Variants in RPS6KC1 observed in about 807,000 individuals in gnomAD.
RPS6KC1 encodes ribosomal protein S6 kinase C1.
A neutral mutation model predicts 103.8 loss-of-function variants in RPS6KC1; 54 were observed. The observed-to-expected ratio is 0.52, with a 90% CI of 0.42 to 0.65. The LOEUF is 0.65. Ranked by LOEUF, RPS6KC1 falls within the 30% of genes least tolerant of loss-of-function variation. The pLI, the probability that RPS6KC1 is intolerant of heterozygous loss-of-function variation, is 0.00. For missense variants in RPS6KC1, 1,151 were observed against 1,253.8 expected (o/e 0.92, Z 1.24); for synonymous variants, 439 against 438.7 (o/e 1.00, Z -0.01).
At chr1:213,288,954 G>GT in the RPS6KC1 span, among the ~76,000 whole-genome samples, 1 of 152,164 alleles carries the variant, frequency 6.6e-6, no homozygotes, top group East Asian at 1.9e-4. Flanking sequence ...TTGTTTGTCT[G>GT]TTTTTTAAAT....
the RPS6KC1 span, among the ~76,000 whole-genome samples, chr1:213,311,177 T>C: frequency 1.3e-5 from 2 of 151,724 alleles, no homozygotes; most frequent in Admixed American, 6.6e-5. Flanking sequence ...CTCGCTCTGT[T>C]GCCCAGGCTG....
At chr1:213,175,454 G>C (rs1216646774) in intron 7 of RPS6KC1, among the ~76,000 whole-genome samples, 1 of 152,170 alleles carries the variant, frequency 6.6e-6, no homozygotes, top group Non-Finnish European at 1.5e-5. Flanking sequence ...TCTGCTCTAA[G>C]TAAGTAATAA....
chr1:213,808,895 C>T, the RPS6KC1 span, among the ~76,000 whole-genome samples: 8 of 152,312 alleles, frequency 5.3e-5, no homozygotes, highest in Non-Finnish European at 8.8e-5. Context: ...AGCTATAGAC[C>T]GGAGCTGTTC....
the RPS6KC1 span, among the ~76,000 whole-genome samples, chr1:213,509,001 T>C: frequency 6.6e-6 from 1 of 152,334 alleles, no homozygotes; most frequent in Non-Finnish European, 1.5e-5. Flanking sequence ...GGAGGTGATG[T>C]CATGATGTCC....
intron 6 of RPS6KC1, among the ~76,000 whole-genome samples, chr1:213,152,933 A>G (rs2089388529): frequency 6.6e-6 from 1 of 152,188 alleles, no homozygotes; most frequent in Non-Finnish European, 1.5e-5. Context: ...ACGCTACTGC[A>G]CTCCAGCCTG....
the RPS6KC1 span, chr1:213,837,439 A>G: frequency 6.6e-6 from 1 of 152,172 alleles, no homozygotes; most frequent in East Asian, 1.9e-4. Flanking sequence ...ATACAAAGGG[A>G]AACATGATTA....
At chr1:213,435,990 C>T in the RPS6KC1 span, among the ~76,000 whole-genome samples, 1 of 152,180 alleles carries the variant, frequency 6.6e-6, no homozygotes, top group Non-Finnish European at 1.5e-5. Context: ...CCTCTCAAGG[C>T]ATTATGCTGA....
chr1:213,618,179 A>G, the RPS6KC1 span, among the ~76,000 whole-genome samples: 1 of 152,256 alleles, frequency 6.6e-6, no homozygotes, highest in African/African-American at 2.4e-5. Flanking sequence ...ATGGATTATA[A>G]AAAGCAATAA....
chr1:213,240,573 C>T (rs867099320), intron 10 of RPS6KC1, 129 bp from the exon 11 acceptor site: 24 of 753,336 alleles, frequency 3.2e-5, no homozygotes, highest in Middle Eastern at 3.6e-4. Flanking sequence ...TTATGGCACA[C>T]GATATTAATG....
At chr1:213,704,211 C>T in the RPS6KC1 span, among the ~76,000 whole-genome samples, 1 of 150,936 alleles carries the variant, frequency 6.6e-6, no homozygotes, top group Non-Finnish European at 1.5e-5. Flanking sequence ...CACGGTGAAA[C>T]CCCGTCTCTA....
intron 14 of RPS6KC1, among the ~76,000 whole-genome samples, chr1:213,263,307 T>G (rs965887583): frequency 6.6e-6 from 1 of 152,228 alleles, no homozygotes; most frequent in Non-Finnish European, 1.5e-5. Flanking sequence ...TGTCAGTGAT[T>G]ATATTTCTGG....
chr1:213,482,089 C>T, the RPS6KC1 span, among the ~76,000 whole-genome samples: 16 of 152,166 alleles, frequency 1.1e-4, no homozygotes, highest in South Asian at 2.1e-4. Context: ...TCCCCAGAAG[C>T]GAAGTGAATG....
chr1:213,723,946 G>T, the RPS6KC1 span, among the ~76,000 whole-genome samples: 8 of 152,090 alleles, frequency 5.3e-5, no homozygotes, highest in African/African-American at 1.7e-4. Flanking sequence ...TGGGGGGTTG[G>T]GGGGGACAGT....
At chr1:213,055,324 C>CT (rs970139543) in intron 1 of RPS6KC1, among the ~76,000 whole-genome samples, 52 of 145,210 alleles carry the variant, frequency 3.6e-4, no homozygotes, top group African/African-American at 4.8e-4. Context: ...ATAGTATGCA[C>CT]TTTTTTTTTT....
At chr1:213,355,790 G>A in the RPS6KC1 span, among the ~76,000 whole-genome samples, 2 of 152,260 alleles carry the variant, frequency 1.3e-5, no homozygotes, top group African/African-American at 4.8e-5. Context: ...TATTGTTATG[G>A]AGCACTTGCT....
chr1:213,234,507 GAAAC>G (rs2094180413), intron 10 of RPS6KC1, among the ~76,000 whole-genome samples: 1 of 152,120 alleles, frequency 6.6e-6, no homozygotes, highest in African/African-American at 2.4e-5. Context: ...AATGGCAAAA[GAAAC>G]AATCATTTGA....
the RPS6KC1 span, among the ~76,000 whole-genome samples, chr1:213,801,381 GT>G: frequency 1.3e-5 from 2 of 152,004 alleles, no homozygotes; most frequent in African/African-American, 4.8e-5. Context: ...TTTCCATGTA[GT>G]GTTTTCAATG....
At chr1:213,205,567 T>TATATATATATATATATATATATATATATA (rs57191154) in intron 8 of RPS6KC1, among the ~76,000 whole-genome samples, 14 of 138,678 alleles carry the variant, frequency 1.0e-4, no homozygotes, top group South Asian at 2.3e-4. Flanking sequence ...TATATATATA[T>TATATATATATATATATATATATATATATA]TTCAAAAGAA....
chr1:213,254,139 CTTAT>C (rs768681716), intron 12 of RPS6KC1, among the ~76,000 whole-genome samples: 28 of 148,842 alleles, frequency 1.9e-4, no homozygotes, highest in Admixed American at 3.5e-4. Context: ...TTTATTTAAT[CTTAT>C]TTATTCACTT....
Sources: gnomAD v4.1 joint callset for allele counts (sites outside exome capture counted in the v4.1 genomes callset) on GRCh38, gnomAD v4.1.1 for gene constraint, MANE v1.5 for transcripts, NCBI Gene and HGNC (gene_info 2026-07-23, HGNC 2026-07-21) for gene names.